Variants in MGAT4A observed in about 807,000 individuals in gnomAD.
MGAT4A encodes the protein alpha-1,3-mannosyl-glycoprotein 4-beta-N-acetylglucosaminyltransferase A, also known as N-acetylglucosaminyltransferase IVa.
Under a neutral mutation model 74.1 loss-of-function variants are expected in MGAT4A, and 33 were observed. The observed-to-expected ratio is 0.45, with a 90% CI of 0.34 to 0.60. The LOEUF (loss-of-function observed/expected upper bound fraction) is 0.60. MGAT4A is among the 20% of genes least tolerant of loss of function. The pLI is 0.02. For missense variants in MGAT4A, 479 were observed against 628.3 expected, an observed-to-expected ratio of 0.76 and a Z score of 2.54; for synonymous variants, 198 against 210.4, an observed-to-expected ratio of 0.94 and a Z score of 0.51.
At chr2:98,631,253 C>G (rs550116242) in intron 14 of MGAT4A, among the ~76,000 whole-genome samples, 1 of 152,238 alleles carries the variant, frequency 6.6e-6, no homozygotes, top group Admixed American at 6.5e-5. Flanking sequence ...AATGCCTTCA[C>G]GCGTAAGTTG....
chr2:98,651,064 C>CA lies in MGAT4A; in HGVS notation c.774+4380dup, dbSNP rs755001558. Among the ~76,000 whole-genome samples the CA allele has an allele frequency of 4.8e-3, 598 of 123,906 alleles. 5 individuals carry two copies. Among genetic ancestry groups the CA allele is most frequent in the African/African-American group, 0.018 (550 of 30,748 alleles). The allele number at this position is 123,906 out of a possible 152,430, so 81.3% of individuals were successfully genotyped here. A position where few individuals can be genotyped will look rare whatever the true frequency, so the allele number is the denominator to read the frequency against. ...TGGGGAACAGAGCAAGACTCCATCT[C>CA]AAAAAAAAAAGAAAGAAAGAAAGAA... On this transcript the variant is annotated intron_variant, in intron 8 of 15. Transcript: ENST00000393487.
Position 98,621,265 on chromosome 2 carries a change from C to A in MGAT4A, c.*4301G>T. The A allele has an allele frequency of 9.0e-7, 1 of 1,107,954 alleles. No individual in the cohort carries two copies. The highest frequency in any genetic ancestry group is 1.2e-6 in the Non-Finnish European group (1 of 811,724). 68.6% of individuals were successfully genotyped at this position (1,107,954 alleles called of 1,614,324 possible). A position where few individuals can be genotyped will look rare whatever the true frequency, so the allele number is the denominator to read the frequency against. ...AAGTGTTGGCCAGGCTGGGTCTTAT[C>A]TGGAGACTGGAGATGAATGCCTTTC... On this transcript the variant is annotated 3_prime_UTR_variant, in exon 16 of 16. Transcript: ENST00000393487.
intron 2 of MGAT4A, among the ~76,000 whole-genome samples, chr2:98,713,185 CAA>C (rs139508612): frequency 0.03 from 1,633 of 54,116 alleles, 39 homozygotes; most frequent in African/African-American, 0.1. Context: ...GATCATGTCT[CAA>C]AAAAAAAAAA....
intron 2 of MGAT4A, among the ~76,000 whole-genome samples, chr2:98,700,963 TA>T (rs1250721909): frequency 1.3e-5 from 2 of 152,086 alleles, no homozygotes; most frequent in African/African-American, 2.4e-5. Context: ...ATTGTTTTCT[TA>T]AAAAAATTAG....
chr2:98,679,202 C>T (rs557792366), intron 2 of MGAT4A, among the ~76,000 whole-genome samples: 14 of 151,776 alleles, frequency 9.2e-5, no homozygotes, highest in African/African-American at 7.3e-5. Context: ...GTCAGGAGAT[C>T]GAGACCATCC....
chr2:98,712,882 C>A (rs1702536890), intron 2 of MGAT4A, among the ~76,000 whole-genome samples: 1 of 152,216 alleles, frequency 6.6e-6, no homozygotes, highest in African/African-American at 2.4e-5. Context: ...CCCTTTTGGG[C>A]CAGGCACAGT....
chr2:98,643,961 T>C lies in MGAT4A; in HGVS notation c.982A>G (p.Ile328Val). 6.3e-7 allele frequency: 1 copy of C among 1,577,204 alleles called. No individual in the cohort carries two copies. The highest frequency in any genetic ancestry group is 1.3e-5 in the African/African-American group (1 of 74,312). Reference protein sequence around the residue: ...EKPIDWLLDHILWVKVCNPEK... With the variant: ...EKPIDWLLDHVLWVKVCNPEK... ...GGGTTGCAGACTTTCACCCAGAGAA[T>C]ATGGTCCAGGAGCCAATCAATGGGT... Residue 328 changes from isoleucine to valine, a missense_variant, in exon 10 of 16, where the codon ATT becomes GTT. By Grantham distance (29) the Ile-to-Val change is conservative. This residue lies in a region of MGAT4A where 236 missense variants were observed against 308.2 expected (regional missense o/e 0.77). Coordinates refer to ENST00000393487, the MANE Select transcript of MGAT4A (RefSeq NM_012214.3).
intron 4 of MGAT4A, among the ~76,000 whole-genome samples, chr2:98,672,893 TA>T: frequency 6.6e-6 from 1 of 152,340 alleles, no homozygotes; most frequent in South Asian, 2.1e-4. Context: ...CCCTCATTTC[TA>T]AAAATATGTT....
chr2:98,674,697 T>C (rs764885468), intron 4 of MGAT4A, among the ~76,000 whole-genome samples: 10 of 152,354 alleles, frequency 6.6e-5, no homozygotes, highest in South Asian at 2.1e-4. Flanking sequence ...CTTTATGACA[T>C]GACCAAAAGA....
At chr2:98,669,357 CTT>C (rs1701880076) in intron 4 of MGAT4A, among the ~76,000 whole-genome samples, 3 of 150,414 alleles carry the variant, frequency 2.0e-5, no homozygotes, top group Admixed American at 2.0e-4. Context: ...CTTGCTCTCT[CTT>C]TGCCTGCTGC....
chr2:98,671,425 G>A (rs1340332833), intron 4 of MGAT4A, among the ~76,000 whole-genome samples: 10 of 152,092 alleles, frequency 6.6e-5, no homozygotes, highest in Admixed American at 5.9e-4. Flanking sequence ...CCGCTCTTAG[G>A]ATAGAAACCA....
At chr2:98,644,094 C>T in intron 9 of MGAT4A, 41 bp from the exon 10 acceptor site, 1 of 1,512,708 alleles carries the variant, frequency 6.6e-7, no homozygotes, top group East Asian at 2.4e-5. Context: ...ATGAAGAAAC[C>T]AAGCACCAAA....
intron 2 of MGAT4A, among the ~76,000 whole-genome samples, chr2:98,692,633 TTTTAC>T (rs1298217193): frequency 6.6e-6 from 1 of 152,168 alleles, no homozygotes; most frequent in African/African-American, 2.4e-5. Context: ...TATACGGTAT[TTTTAC>T]TTTATCTTTT....
intron 8 of MGAT4A, among the ~76,000 whole-genome samples, chr2:98,650,509 A>C (rs1345893970): frequency 6.6e-6 from 1 of 152,252 alleles, no homozygotes; most frequent in Non-Finnish European, 1.5e-5. Flanking sequence ...AACAAATACA[A>C]GATAACGTCT....
chr2:98,648,812 T>C (rs1701534592), intron 8 of MGAT4A, among the ~76,000 whole-genome samples: 2 of 151,178 alleles, frequency 1.3e-5, no homozygotes, highest in Admixed American at 1.3e-4. Flanking sequence ...AGCAGGATCA[T>C]TTGAGGCCGG....
rs1701127312 is a variant in MGAT4A at position 98,625,248 on chromosome 2, T to C, written c.*318A>G. 1.1e-6 allele frequency: 1 copy of C among 947,068 alleles called. No homozygotes were observed. The highest frequency in any genetic ancestry group is 1.8e-5 in the African/African-American group (1 of 56,582). The allele number at this position is 947,068 out of a possible 1,614,324, so 58.7% of individuals were successfully genotyped here. A position where few individuals can be genotyped will look rare whatever the true frequency, so the allele number is the denominator to read the frequency against. On this transcript the variant is annotated 3_prime_UTR_variant, in exon 16 of 16. Transcript: ENST00000393487. The stretch of plus-strand genomic sequence containing the variant: ...CCCCCTTCATAAAATGTATGTAACA[T>C]TAGTTTTTCTCAAATTTAAAGAATG...
At chr2:98,641,527 C>T (rs1473359326) in intron 10 of MGAT4A, among the ~76,000 whole-genome samples, 1 of 140,720 alleles carries the variant, frequency 7.1e-6, no homozygotes, top group Non-Finnish European at 1.5e-5. Context: ...AAAAAATTAG[C>T]CGGGCGTGGT....
intron 2 of MGAT4A, chr2:98,695,426 T>C: frequency 4.5e-6 from 1 of 222,128 alleles, no homozygotes; most frequent in Non-Finnish European, 1.0e-5. Context: ...AGAGACAACC[T>C]AATAACACTG....
chr2:98,660,633 G>T (rs762529366), intron 5 of MGAT4A, among the ~76,000 whole-genome samples: 1 of 152,106 alleles, frequency 6.6e-6, no homozygotes, highest in South Asian at 2.1e-4. Context: ...ACTCATGTAT[G>T]TATGGTCAAT....
Sources: allele counts gnomAD v4.1 joint callset (sites outside exome capture counted in the v4.1 genomes callset), GRCh38; gene constraint gnomAD v4.1.1; regional missense constraint gnomAD v4.1.1; transcripts MANE v1.5; gene names NCBI Gene and HGNC (gene_info 2026-07-23, HGNC 2026-07-21).